The following WNK2 variants were observed in gnomAD, a reference collection of about 807,000 sequenced individuals.
WNK2 encodes the protein WNK lysine deficient protein kinase 2.
Under a neutral mutation model 192.1 loss-of-function variants are expected in WNK2, and 67 were observed. The observed-to-expected ratio is 0.35, with a 90% CI of 0.29 to 0.43. WNK2 has a LOEUF of 0.43. WNK2 is among the 20% of genes least tolerant of loss of function. The pLI is 1.00. For missense variants in WNK2, 2,698 were observed against 3,089.7 expected (o/e 0.87, Z 3.01); for synonymous variants, 1,439 against 1,393.9 (o/e 1.03, Z -0.72).
intron 5 of WNK2, 93 bp from the exon 6 acceptor site, chr9:93,238,140 C>T (rs1014049337): frequency 3.6e-6 from 4 of 1,106,872 alleles, no homozygotes; most frequent in African/African-American, 3.1e-5. Context: ...CCGTGTCCTG[C>T]CGTGGCTGGG....
At chr9:93,218,023 T>C (rs1474868446) in intron 2 of WNK2, among the ~76,000 whole-genome samples, 1 of 71,272 alleles carries the variant, frequency 1.4e-5, no homozygotes, top group Non-Finnish European at 2.7e-5. Context: ...TTTCCCTACG[T>C]TGGGGGGGTG....
At chr9:93,258,850 T>G in intron 11 of WNK2, 81 bp from the exon 12 acceptor site, 1 of 1,281,196 alleles carries the variant, frequency 7.8e-7, no homozygotes, top group South Asian at 1.3e-5. Context: ...CCCCAATGAC[T>G]GTGGCTGTCC....
At chr9:93,317,721 C>T in intron 29 of WNK2, 90 bp downstream of exon 29, 1 of 1,519,012 alleles carries the variant, frequency 6.6e-7, no homozygotes, top group Non-Finnish European at 8.9e-7. Context: ...GTCCTGGGGG[C>T]CCTGGGCAGG....
In WNK2 at chr9:93,241,713, C is replaced by G. The variant is rs115422711; in HGVS notation, c.1542+1737C>G. ...CCAGGAATGCTGGGGTGCCAGTGAGCTGCGTGTTTGTCACAGACTCTGCTC... is the reference window on the plus strand; with the variant it reads ...CCAGGAATGCTGGGGTGCCAGTGAGGTGCGTGTTTGTCACAGACTCTGCTC... On this transcript the variant is annotated intron_variant, in intron 7 of 29. Transcript: ENST00000427277. Among the ~76,000 whole-genome samples the G allele has an allele frequency of 8.5e-3, 1,298 of 152,266 alleles. 19 individuals are homozygous for G. The highest frequency in any genetic ancestry group is 0.029 in the African/African-American group (1,209 of 41,540).
At chr9:93,232,724 T>C (rs1839043671) in intron 4 of WNK2, among the ~76,000 whole-genome samples, 1 of 151,950 alleles carries the variant, frequency 6.6e-6, no homozygotes, top group Non-Finnish European at 1.5e-5. Flanking sequence ...GAAGGCCAGG[T>C]GTTTCCAGCA....
intron 2 of WNK2, among the ~76,000 whole-genome samples, chr9:93,214,705 C>CT (rs1554687918): frequency 3.5e-5 from 4 of 113,898 alleles, no homozygotes; most frequent in South Asian, 6.4e-4. Context: ...GTGCCCCCCC[C>CT]CCCCCCGCCC....
At chr9:93,187,289 A>T (rs935132981) in intron 2 of WNK2, among the ~76,000 whole-genome samples, 2 of 152,048 alleles carry the variant, frequency 1.3e-5, no homozygotes, top group Non-Finnish European at 2.9e-5. Flanking sequence ...CCCTGCAGGC[A>T]TGGGGTGGAG....
chr9:93,306,919 C>T, intron 27 of WNK2, 98 bp downstream of exon 27: 1 of 1,499,822 alleles, frequency 6.7e-7, no homozygotes, highest in South Asian at 1.1e-5. Context: ...CGGGCGTGGG[C>T]CTGCCCTGTG....
In WNK2 at chr9:93,292,350, G is replaced by A; in HGVS notation, c.4979G>A (p.Gly1660Glu). 1 of 1,613,970 alleles carries A rather than the reference G, an allele frequency of 6.2e-7. No homozygotes were observed. Among genetic ancestry groups the A allele is most frequent in the Non-Finnish European group, 8.5e-7 (1 of 1,179,884 alleles). Residue 1660 changes from glycine to glutamate, a missense_variant, in exon 22 of 30, where the codon GGA becomes GAA. Coordinates refer to ENST00000427277, the MANE Select transcript of WNK2 (RefSeq NM_006648.4). ...PRSMLGYDRDGRQVASDSHVV... is the reference protein window; with the variant it reads ...PRSMLGYDRDERQVASDSHVV... The stretch of plus-strand genomic sequence containing the variant: ...AGTATGCTAGGCTATGACAGAGATG[G>A]AAGGCAGGTGGCCTCAGACTCCCAT...
chr9:93,220,408 G>A (rs933397814), intron 2 of WNK2, among the ~76,000 whole-genome samples: 1 of 152,200 alleles, frequency 6.6e-6, no homozygotes, highest in Non-Finnish European at 1.5e-5. Flanking sequence ...TGCCAGCTGC[G>A]GTTCTGGGCA....
intron 2 of WNK2, among the ~76,000 whole-genome samples, chr9:93,227,360 G>T (rs528245669): frequency 1.8e-4 from 27 of 152,196 alleles, no homozygotes; most frequent in African/African-American, 6.0e-4. Context: ...TGATCCGCCC[G>T]CCTCGGCCTC....
intron 2 of WNK2, among the ~76,000 whole-genome samples, chr9:93,186,758 G>GT (rs1477029980): frequency 7.9e-5 from 12 of 152,162 alleles, no homozygotes; most frequent in Non-Finnish European, 1.8e-4. Flanking sequence ...TCGACCTGTC[G>GT]TCAGCCTTTC....
rs1007372277 is a variant in WNK2 at position 93,303,990 on chromosome 9, C to T, written c.6215-2787C>T. Among the ~76,000 whole-genome samples the T allele has an allele frequency of 1.7e-4, 26 of 152,274 alleles. 1 individual carries two copies. The highest frequency in any genetic ancestry group is 3.4e-3 in the Middle Eastern group (1 of 294). On this transcript the variant is annotated intron_variant, in intron 26 of 29. Transcript: ENST00000427277. ...AAGTTGTGGGGGACTGAGGTGAAGC[C>T]GCCAGGGCACCCATGATGGGAGGTG...
intron 4 of WNK2, among the ~76,000 whole-genome samples, chr9:93,234,549 G>A (rs1839486234): frequency 6.6e-6 from 1 of 152,224 alleles, no homozygotes. Flanking sequence ...CAGCTTATGA[G>A]CAGGGGATGG....
At chr9:93,301,929 G>A (rs775092915) in intron 26 of WNK2, among the ~76,000 whole-genome samples, 1 of 152,228 alleles carries the variant, frequency 6.6e-6, no homozygotes, top group African/African-American at 2.4e-5. Context: ...TGAAGTTGCT[G>A]GCCGGGGAGA....
At chr9:93,296,694 A>C (rs1311369783) in intron 23 of WNK2, among the ~76,000 whole-genome samples, 6 of 18,106 alleles carry the variant, frequency 3.3e-4, no homozygotes, top group Non-Finnish European at 4.0e-4. Flanking sequence ...TCCCCTCTCC[A>C]TTCTCCCCTC....
intron 2 of WNK2, among the ~76,000 whole-genome samples, chr9:93,205,554 T>C (rs1424762058): frequency 6.6e-6 from 1 of 151,930 alleles, no homozygotes; most frequent in Non-Finnish European, 1.5e-5. Context: ...CACTCTGTCC[T>C]TCGGCCCGCC....
At chr9:93,291,879 C>T (rs954519149) in intron 21 of WNK2, among the ~76,000 whole-genome samples, 5 of 152,186 alleles carry the variant, frequency 3.3e-5, no homozygotes, top group Non-Finnish European at 7.3e-5. Flanking sequence ...GCTGCAGGTG[C>T]AGTGGGTGAC....
intron 24 of WNK2, among the ~76,000 whole-genome samples, chr9:93,298,344 C>T (rs529276965): frequency 2.0e-5 from 3 of 152,360 alleles, no homozygotes; most frequent in African/African-American, 7.2e-5. Flanking sequence ...GCCAGGGAAG[C>T]TCAGGCTGCC....
Sources: gnomAD v4.1 joint callset for allele counts (sites outside exome capture counted in the v4.1 genomes callset) on GRCh38, gnomAD v4.1.1 for gene constraint, MANE v1.5 for transcripts, NCBI Gene and HGNC (gene_info 2026-07-23, HGNC 2026-07-21) for gene names.